GABRG3: variants seen among roughly 807,000 people sequenced by gnomAD.
GABRG3 encodes gamma-aminobutyric acid type A receptor subunit gamma3.
Under a neutral mutation model 48.8 loss-of-function variants are expected in GABRG3, and 25 were observed. That is an observed-to-expected ratio of 0.51 (90% confidence interval 0.37 to 0.72). The LOEUF is 0.72. Among genes scored for constraint, GABRG3 ranks in the 30% least tolerant of loss-of-function variants. The pLI is 0.00. For synonymous variants in GABRG3, 227 were observed against 217.6 expected (o/e 1.04, Z -0.38); for missense variants, 394 against 577.9 (o/e 0.68, Z 3.26).
At chr15:27,344,306 A>G (rs1894291393) in intron 5 of GABRG3, among the ~76,000 whole-genome samples, 1 of 152,206 alleles carries the variant, frequency 6.6e-6, no homozygotes, top group Non-Finnish European at 1.5e-5. Context: ...GATCATCTTA[A>G]TACCTTAGCA....
At chr15:27,318,426 A>G (rs950448191) in intron 3 of GABRG3, among the ~76,000 whole-genome samples, 22 of 152,210 alleles carry the variant, frequency 1.4e-4, no homozygotes, top group African/African-American at 5.1e-4. Context: ...GATGGGGGAA[A>G]GACTGTGAGT....
chr15:27,355,066 G>T (rs1566802753), intron 5 of GABRG3, among the ~76,000 whole-genome samples: 1 of 152,154 alleles, frequency 6.6e-6, no homozygotes, highest in Non-Finnish European at 1.5e-5. Flanking sequence ...AAGACCCAGG[G>T]TGTTTGGCCA....
intron 3 of GABRG3, among the ~76,000 whole-genome samples, chr15:27,170,725 C>G (rs1887540428): frequency 6.6e-6 from 1 of 152,104 alleles, no homozygotes; most frequent in Non-Finnish European, 1.5e-5. Flanking sequence ...GAGGTGTGTT[C>G]CATGGACCAT....
rs114806710 is a variant in GABRG3 at position 27,316,686 on chromosome 15, G to A, written c.271-10123G>A. ...ATTCCCCTGAATGATGAGGAATTTC[G>A]TTCGTTTTAGGTGGATGGAGTTTCC... On this transcript the variant is annotated intron_variant, in intron 3 of 9. Transcript: ENST00000615808. Among the ~76,000 whole-genome samples, 1,200 of 152,274 alleles carry A rather than the reference G, an allele frequency of 7.9e-3. 15 individuals are homozygous for A. Among genetic ancestry groups the A allele is most frequent in the African/African-American group, 0.028 (1,160 of 41,550 alleles).
intron 2 of GABRG3, among the ~76,000 whole-genome samples, chr15:27,020,922 T>C (rs1895882957): frequency 6.6e-6 from 1 of 152,244 alleles, no homozygotes; most frequent in Non-Finnish European, 1.5e-5. Flanking sequence ...GTAATCGTCA[T>C]CATGTTCTAG....
At chr15:27,095,438 A>G (rs1465217188) in intron 3 of GABRG3, among the ~76,000 whole-genome samples, 2 of 152,154 alleles carry the variant, frequency 1.3e-5, no homozygotes, top group African/African-American at 4.8e-5. Flanking sequence ...CTTTCTCATC[A>G]CAGTGATTTC....
chr15:27,404,526 G>T (rs1187623735), intron 5 of GABRG3, among the ~76,000 whole-genome samples: 1 of 152,150 alleles, frequency 6.6e-6, no homozygotes, highest in Non-Finnish European at 1.5e-5. Context: ...ATCATCCTGG[G>T]GCCCTGGGGC....
At position 27,176,107 on chromosome 15, in the gene GABRG3, T is replaced by G. The variant is rs540490485; in HGVS notation, c.270+149286T>G. Reference sequence around the variant, plus strand: ...CTCACATTTGAATGCTAATGAAAATTAAACCAGTTCCTTTTTTTAACTTTA... The same window carrying G: ...CTCACATTTGAATGCTAATGAAAATGAAACCAGTTCCTTTTTTTAACTTTA... On this transcript the variant is annotated intron_variant, in intron 3 of 9. Transcript: ENST00000615808. Among the ~76,000 whole-genome samples, 30 of 152,296 alleles carry G rather than the reference T, an allele frequency of 2.0e-4. No homozygotes were observed. In the East Asian group the frequency reaches 5.6e-3, roughly 28 times the overall value.
At chr15:27,328,619 A>G (rs924928760) in intron 4 of GABRG3, among the ~76,000 whole-genome samples, 187 bp from the exon 5 acceptor site, 1 of 152,356 alleles carries the variant, frequency 6.6e-6, no homozygotes, top group Middle Eastern at 3.4e-3. Context: ...AAGCAAAACA[A>G]AATAACCCAA....
chr15:27,518,027 T>C (rs1237923610), intron 6 of GABRG3, among the ~76,000 whole-genome samples: 2 of 151,972 alleles, frequency 1.3e-5, no homozygotes, highest in East Asian at 3.9e-4. Flanking sequence ...CTGAGACCAA[T>C]ACCATCTCCC....
At chr15:27,244,334 A>T (rs954588688) in intron 3 of GABRG3, among the ~76,000 whole-genome samples, 2 of 152,128 alleles carry the variant, frequency 1.3e-5, no homozygotes, top group Non-Finnish European at 2.9e-5. Context: ...GTCCCAGGAG[A>T]CTTACTGCAA....
intron 3 of GABRG3, among the ~76,000 whole-genome samples, chr15:27,311,451 A>T (rs919655316): frequency 6.6e-6 from 1 of 152,242 alleles, no homozygotes; most frequent in South Asian, 2.1e-4. Context: ...CAGAGTGCTG[A>T]TGCACCTGCA....
At chr15:27,347,112 T>A (rs1894401647) in intron 5 of GABRG3, among the ~76,000 whole-genome samples, 1 of 152,210 alleles carries the variant, frequency 6.6e-6, no homozygotes, top group South Asian at 2.1e-4. Context: ...TAATGTCTAC[T>A]GTAGCTTTGG....
At chr15:27,188,585 T>G (rs1056949283) in intron 3 of GABRG3, among the ~76,000 whole-genome samples, 15 of 151,104 alleles carry the variant, frequency 9.9e-5, no homozygotes, top group African/African-American at 3.1e-4. Flanking sequence ...TTTGTTTTTT[T>G]CTTGTAAATT....
intron 5 of GABRG3, among the ~76,000 whole-genome samples, chr15:27,379,038 AT>A (rs1387003627): frequency 6.6e-6 from 1 of 152,102 alleles, no homozygotes; most frequent in Non-Finnish European, 1.5e-5. Context: ...GTATGTGTGA[AT>A]TTTTTACTGT....
At chr15:27,245,901 G>A (rs780937070) in intron 3 of GABRG3, among the ~76,000 whole-genome samples, 4 of 152,250 alleles carry the variant, frequency 2.6e-5, no homozygotes, top group Non-Finnish European at 5.9e-5. Context: ...TTTGGCTCAC[G>A]GTTCTGTAGG....
chr15:27,077,816 T>A (rs1332953557), intron 3 of GABRG3, among the ~76,000 whole-genome samples: 3 of 152,206 alleles, frequency 2.0e-5, no homozygotes, highest in Admixed American at 6.5e-5. Context: ...TATTTAAGGC[T>A]GAGTCCTATG....
At chr15:27,449,300 G>A (rs1308525529) in intron 5 of GABRG3, among the ~76,000 whole-genome samples, 1 of 152,106 alleles carries the variant, frequency 6.6e-6, no homozygotes, top group Non-Finnish European at 1.5e-5. Context: ...CACCTCTCTA[G>A]CATCACTCCT....
chr15:27,248,914 G>C (rs1173616889), intron 3 of GABRG3, among the ~76,000 whole-genome samples: 2 of 152,124 alleles, frequency 1.3e-5, no homozygotes, highest in Non-Finnish European at 1.5e-5. Flanking sequence ...ATGAACGGGG[G>C]ATTCTTTTAA....
Sources: gnomAD v4.1 joint callset for allele counts (sites outside exome capture counted in the v4.1 genomes callset) on GRCh38, gnomAD v4.1.1 for gene constraint, MANE v1.5 for transcripts, NCBI Gene and HGNC (gene_info 2026-07-23, HGNC 2026-07-21) for gene names.